The following TRAK1 variants were observed in gnomAD, a reference collection of about 807,000 sequenced individuals.
The protein encoded by TRAK1 is trafficking kinesin-binding protein 1.
Under a neutral mutation model 92.1 loss-of-function variants are expected in TRAK1, and 33 were observed. That is an observed-to-expected ratio of 0.36 (90% CI 0.27 to 0.48). The LOEUF (loss-of-function observed/expected upper bound fraction) is 0.48. Ranked by LOEUF, TRAK1 falls within the 20% of genes least tolerant of loss-of-function variation. The probability of loss-of-function intolerance (pLI) is 0.99; values close to 1 mark genes in which losing one functional copy is unlikely to be tolerated. For synonymous variants in TRAK1, 521 were observed against 517.3 expected (o/e 1.01, Z -0.10); for missense variants, 1,123 against 1,257.9 (o/e 0.89, Z 1.62).
At chr3:42,100,360 C>A (rs1006510924) in intron 1 of TRAK1, among the ~76,000 whole-genome samples, 9 of 152,138 alleles carry the variant, frequency 5.9e-5, no homozygotes, top group Admixed American at 5.9e-4. Flanking sequence ...GAGCAAGAGA[C>A]CTTGTCTTTC....
intron 2 of TRAK1, among the ~76,000 whole-genome samples, chr3:42,166,406 A>G (rs141514034): frequency 3.9e-5 from 6 of 152,162 alleles, no homozygotes; most frequent in African/African-American, 9.6e-5. Context: ...AATGGCCACT[A>G]TAGATCAACA....
intron 2 of TRAK1, among the ~76,000 whole-genome samples, chr3:42,151,776 A>C (rs551217587): frequency 2.0e-5 from 3 of 152,168 alleles, no homozygotes; most frequent in Non-Finnish European, 4.4e-5. Context: ...GCCCCTGTTT[A>C]TATGTACCTG....
At chr3:42,094,558 A>C (rs1705617333) in intron 1 of TRAK1, among the ~76,000 whole-genome samples, 1 of 151,892 alleles carries the variant, frequency 6.6e-6, no homozygotes, top group Non-Finnish European at 1.5e-5. Context: ...TTTTGGTAGC[A>C]GTGGGATCTT....
intron 1 of TRAK1, among the ~76,000 whole-genome samples, chr3:42,066,706 A>T (rs886128065): frequency 2.6e-5 from 4 of 152,158 alleles, no homozygotes; most frequent in African/African-American, 7.2e-5. Flanking sequence ...GGCTTATCAC[A>T]GCCCACTCAC....
intron 1 of TRAK1, among the ~76,000 whole-genome samples, chr3:42,024,890 C>G (rs1300112731): frequency 6.6e-6 from 1 of 152,168 alleles, no homozygotes; most frequent in Non-Finnish European, 1.5e-5. Flanking sequence ...AGTGAGAGAT[C>G]CCAGATTTTT....
chr3:42,153,910 G>A (rs1576655868), intron 2 of TRAK1, among the ~76,000 whole-genome samples: 1 of 152,166 alleles, frequency 6.6e-6, no homozygotes, highest in African/African-American at 2.4e-5. Context: ...CGTGAAGGTA[G>A]AGGTTGACTT....
intron 2 of TRAK1, among the ~76,000 whole-genome samples, chr3:42,148,371 G>A (rs922097334): frequency 1.3e-5 from 2 of 152,162 alleles, no homozygotes; most frequent in African/African-American, 4.8e-5. Flanking sequence ...TTTAGGGAAT[G>A]AAATTCAACC....
rs1459509039 is a variant in TRAK1 at position 42,157,796 on chromosome 3, G to C, written c.287-19018G>C. ...TTCTTTTGCCATAAAGGATGTTATT[G>C]GGACAACTGAAGGGAATCTCAATAA... On this transcript the variant is annotated intron_variant, in intron 2 of 15. Coordinates refer to ENST00000327628, the MANE Select transcript of TRAK1 (RefSeq NM_001042646.3). Among the ~76,000 whole-genome samples, 3 of 152,248 alleles carry C rather than the reference G, an allele frequency of 2.0e-5. No individual in the cohort carries two copies. In the East Asian group the frequency reaches 5.8e-4, roughly 29 times the overall value.
At chr3:42,069,224 G>GGT (rs922753297) in intron 1 of TRAK1, among the ~76,000 whole-genome samples, 91 of 151,860 alleles carry the variant, frequency 6.0e-4, no homozygotes, top group African/African-American at 2.2e-3. Context: ...CTCAGCTACA[G>GGT]GTGGGAGGAT....
chr3:42,222,152 GT>G (rs1368814833), intron 15 of TRAK1, among the ~76,000 whole-genome samples: 1 of 152,184 alleles, frequency 6.6e-6, no homozygotes, highest in East Asian at 1.9e-4. Context: ...CACAACACGA[GT>G]GAATGAACAA....
chr3:42,132,471 C>T (rs1296234997), intron 2 of TRAK1, among the ~76,000 whole-genome samples: 1 of 151,958 alleles, frequency 6.6e-6, no homozygotes, highest in Middle Eastern at 3.2e-3. Flanking sequence ...CACCATGTTG[C>T]CCAGGCTGGT....
intron 1 of TRAK1, among the ~76,000 whole-genome samples, chr3:42,041,020 TAGAC>T (rs1431504499): frequency 9.2e-5 from 14 of 151,976 alleles, no homozygotes; most frequent in African/African-American, 3.1e-4. Flanking sequence ...GTTTTGAAAT[TAGAC>T]AGTGTGAGTC....
chr3:42,135,386 A>T (rs547114099), intron 2 of TRAK1, among the ~76,000 whole-genome samples: 20 of 152,308 alleles, frequency 1.3e-4, no homozygotes, highest in South Asian at 6.2e-4. Context: ...TCCTTATGAG[A>T]TGTCATCTTC....
chr3:42,118,067 C>T (rs1424455193), intron 1 of TRAK1, among the ~76,000 whole-genome samples: 2 of 152,040 alleles, frequency 1.3e-5, no homozygotes, highest in Non-Finnish European at 2.9e-5. Flanking sequence ...ATCCGCCCAC[C>T]TTGGCCTCCC....
At chr3:42,132,614 T>C (rs928049207) in intron 2 of TRAK1, among the ~76,000 whole-genome samples, 1 of 152,158 alleles carries the variant, frequency 6.6e-6, no homozygotes, top group South Asian at 2.1e-4. Flanking sequence ...CTGAATATTT[T>C]TGATCCGTGG....
chr3:42,136,281 G>A (rs777004397), intron 2 of TRAK1, among the ~76,000 whole-genome samples: 15 of 152,122 alleles, frequency 9.9e-5, no homozygotes, highest in South Asian at 6.2e-4. Context: ...CTGTTCTTCA[G>A]CTCTTGGTAC....
chr3:42,016,191 C>T (rs1484008082), intron 1 of TRAK1, among the ~76,000 whole-genome samples: 1 of 151,994 alleles, frequency 6.6e-6, no homozygotes, highest in Non-Finnish European at 1.5e-5. Context: ...CCTGTCATTG[C>T]ATTCTGGTTT....
rs915116601 is a variant in TRAK1 at position 42,125,976 on chromosome 3, G to A, written c.286+362G>A. Among the ~76,000 whole-genome samples, 38 of 151,802 alleles carry A rather than the reference G, an allele frequency of 2.5e-4. No individual in the cohort carries two copies. The Middle Eastern group carries it at 0.01, about 41-fold the overall frequency. On this transcript the variant is annotated intron_variant, in intron 2 of 15. Coordinates refer to ENST00000327628, the MANE Select transcript of TRAK1 (RefSeq NM_001042646.3). ...AACGATTCTCCTGCTTCAGCCTCCC[G>A]AGTAGCTGGGGCTACAGGCGCGCAC...
intron 10 of TRAK1, 144 bp downstream of exon 10, chr3:42,195,085 C>G: frequency 9.9e-7 from 1 of 1,014,114 alleles, no homozygotes; most frequent in Middle Eastern, 2.8e-4. Flanking sequence ...ATCAAGGACA[C>G]TTGAATCTGA....
Sources: allele counts gnomAD v4.1 joint callset (sites outside exome capture counted in the v4.1 genomes callset), GRCh38; gene constraint gnomAD v4.1.1; transcripts MANE v1.5; gene names NCBI Gene and HGNC (gene_info 2026-07-23, HGNC 2026-07-21).